Variants in UGT1A10 observed in about 807,000 individuals in gnomAD.
UGT1A10 encodes UDP-glucuronosyltransferase 1A10.
A neutral mutation model predicts 45.8 loss-of-function variants in UGT1A10; 49 were observed. The ratio of observed to expected loss-of-function variants is 1.07; its 90% confidence interval spans 0.85 to 1.36. The LOEUF (loss-of-function observed/expected upper bound fraction) is 1.36. Ranked by LOEUF, UGT1A10 falls within the 40% of genes most tolerant of loss-of-function variation. The probability of loss-of-function intolerance (pLI) is 0.00; values close to 1 mark genes in which losing one functional copy is unlikely to be tolerated. For synonymous variants in UGT1A10, 284 were observed against 249.7 expected (o/e 1.14, Z -1.29); for missense variants, 745 against 668.6 (o/e 1.11, Z -1.26).
intron 1 of UGT1A10, chr2:233,693,893 C>A (rs756262106): frequency 6.2e-7 from 1 of 1,613,750 alleles, no homozygotes; most frequent in Non-Finnish European, 8.5e-7. Flanking sequence ...TTTTGGACTG[C>A]CTTGTTTCTT....
chr2:233,741,276 T>C (rs752081250), intron 1 of UGT1A10, among the ~76,000 whole-genome samples: 1 of 151,850 alleles, frequency 6.6e-6, no homozygotes, highest in Non-Finnish European at 1.5e-5. Flanking sequence ...CACTGAACAA[T>C]GGGATTTATG....
intron 1 of UGT1A10, among the ~76,000 whole-genome samples, chr2:233,765,887 T>C (rs1279202147): frequency 1.3e-5 from 2 of 152,030 alleles, no homozygotes; most frequent in African/African-American, 2.4e-5. Flanking sequence ...ACTTTCTCAG[T>C]GCGCCACTGC....
intron 1 of UGT1A10, among the ~76,000 whole-genome samples, chr2:233,670,262 G>C (rs2074155699): frequency 6.6e-6 from 1 of 152,188 alleles, no homozygotes; most frequent in African/African-American, 2.4e-5. Flanking sequence ...AGGAAGAGGT[G>C]GGTTGGTTTT....
intron 1 of UGT1A10, among the ~76,000 whole-genome samples, chr2:233,706,893 G>A (rs2075929501): frequency 6.6e-6 from 1 of 152,182 alleles, no homozygotes; most frequent in South Asian, 2.1e-4. Context: ...CTGGTTGGAG[G>A]CATTTTACAA....
chr2:233,725,132 C>T (rs1359096570), intron 1 of UGT1A10, among the ~76,000 whole-genome samples: 15 of 135,486 alleles, frequency 1.1e-4, no homozygotes, highest in African/African-American at 4.2e-4. Flanking sequence ...GCCGAGATGG[C>T]AGCAGTACAG....
chr2:233,692,722 A>T, intron 1 of UGT1A10: 1 of 845,282 alleles, frequency 1.2e-6, no homozygotes, highest in African/African-American at 1.8e-5. Context: ...AAGTGTTGCT[A>T]TAACTTTTCA....
chr2:233,682,435 G>T, intron 1 of UGT1A10: 1 of 1,613,760 alleles, frequency 6.2e-7, no homozygotes, highest in Non-Finnish European at 8.5e-7. Context: ...TCCCCTCTGT[G>T]GTCTTCGCCA....
chr2:233,697,365 A>G (rs2075386775), intron 1 of UGT1A10, among the ~76,000 whole-genome samples: 3 of 152,098 alleles, frequency 2.0e-5, no homozygotes, highest in Non-Finnish European at 4.4e-5. Context: ...TTGTTGGCAT[A>G]TAGAGTTCAC....
intron 1 of UGT1A10, among the ~76,000 whole-genome samples, chr2:233,731,284 C>CT (rs78127606): frequency 0.055 from 7,668 of 139,746 alleles, 279 homozygotes; most frequent in African/African-American, 0.086. Flanking sequence ...GTTTTTCTTT[C>CT]TTTTTTTTTT....
chr2:233,737,327 G>A (rs1317799063), intron 1 of UGT1A10, among the ~76,000 whole-genome samples: 4 of 152,258 alleles, frequency 2.6e-5, no homozygotes, highest in African/African-American at 4.8e-5. Flanking sequence ...TGCACTAGCA[G>A]TGAGCAAGGC....
In UGT1A10 at chr2:233,637,030, A is replaced by G. The variant is rs2073311447; in HGVS notation, c.508A>G (p.Arg170Gly). 2 of 1,614,038 alleles carry G rather than the reference A, an allele frequency of 1.2e-6. No homozygotes were observed. Among genetic ancestry groups the G allele is most frequent in the African/African-American group, 2.7e-5 (2 of 75,024 alleles). ...CTCCCTCCCCTCTGTGGTCTTCACC[A>G]GGGGAATATTTTGCCACCATCTTGA... ...YFSLPSVVFTRGIFCHHLEEG... is the reference protein window; with the variant it reads ...YFSLPSVVFTGGIFCHHLEEG... Residue 170 changes from arginine (R) to glycine (G), a missense_variant, in exon 1 of 5, where the codon AGG becomes GGG. Coordinates refer to ENST00000344644, the MANE Select transcript of UGT1A10 (RefSeq NM_019075.4).
chr2:233,675,552 T>C (rs1277922872), intron 1 of UGT1A10, among the ~76,000 whole-genome samples: 1 of 152,188 alleles, frequency 6.6e-6, no homozygotes, highest in Non-Finnish European at 1.5e-5. Flanking sequence ...ATTCTGGCTA[T>C]AGTCCAAGAT....
Position 233,636,878 on chromosome 2 carries a change from T to A in UGT1A10, c.356T>A (p.Leu119Ter), listed in dbSNP as rs769350936. Reference sequence around the variant, plus strand: ...AGTTCATCCAGTGGTTTTCTTGACTTATTTTTTTCGCATTGCAGGAGTTTG... The same window carrying A: ...AGTTCATCCAGTGGTTTTCTTGACTAATTTTTTTCGCATTGCAGGAGTTTG... ...LMSSSSGFLD[L>*]FFSHCRSLFN... The change falls in exon 1 of 5, where the codon TTA becomes TAA. Residue 119 changes from leucine to a stop codon, truncating the protein, a stop_gained. Transcript: ENST00000344644. LOFTEE classifies it high-confidence loss of function. 3.0e-5 allele frequency: 48 copies of A among 1,614,026 alleles called. No individual in the cohort carries two copies. In the Admixed American group the frequency reaches 8.0e-4, roughly 27 times the overall value.
At position 233,715,197 on chromosome 2, in the gene UGT1A10, C is replaced by T. The variant is rs534544158; in HGVS notation, c.856-51837C>T. 7.9e-5 allele frequency among the ~76,000 whole-genome samples: 12 copies of T among 152,300 alleles called. No individual in the cohort carries two copies. The South Asian group carries it at 2.5e-3, about 32-fold the overall frequency. ...CACCACACCTAGGCAATTTTTCTAT[C>T]TTTTAAAAGACCCTCTACTGAATCT... is the stretch of plus-strand genomic sequence containing the variant. On this transcript the variant is annotated intron_variant, in intron 1 of 4. Coordinates refer to ENST00000344644, the MANE Select transcript of UGT1A10 (RefSeq NM_019075.4).
intron 1 of UGT1A10, among the ~76,000 whole-genome samples, chr2:233,651,089 G>A (rs190789667): frequency 1.1e-4 from 16 of 152,256 alleles, no homozygotes; most frequent in Admixed American, 5.9e-4. Flanking sequence ...TTCAAGTGAG[G>A]CATGGCTTTC....
intron 1 of UGT1A10, chr2:233,754,408 C>A (rs1318751129): frequency 2.9e-6 from 1 of 340,794 alleles, no homozygotes; most frequent in South Asian, 2.4e-5. Flanking sequence ...GCAGTCCCAA[C>A]AATAAAGACA....
At chr2:233,693,021 G>A (rs115279280) in intron 1 of UGT1A10, 78 of 1,614,090 alleles carry the variant, frequency 4.8e-5, no homozygotes, top group Middle Eastern at 1.7e-4. Flanking sequence ...TGCCTCCTTC[G>A]CTCATTTCAG....
intron 1 of UGT1A10, among the ~76,000 whole-genome samples, chr2:233,704,121 C>T (rs1372423895): frequency 2.0e-5 from 3 of 151,972 alleles, no homozygotes; most frequent in Non-Finnish European, 4.4e-5. Flanking sequence ...AAACTCCTTA[C>T]CTCAAGTGAT....
At chr2:233,700,651 T>C (rs1028601197) in intron 1 of UGT1A10, among the ~76,000 whole-genome samples, 22 of 152,344 alleles carry the variant, frequency 1.4e-4, no homozygotes, top group African/African-American at 5.1e-4. Context: ...AGTGTTTACA[T>C]ATTTCTACTT....
Sources: allele counts gnomAD v4.1 joint callset (sites outside exome capture counted in the v4.1 genomes callset), GRCh38; gene constraint gnomAD v4.1.1; transcripts MANE v1.5; gene names NCBI Gene and HGNC (gene_info 2026-07-23, HGNC 2026-07-21).